The following MBNL1 variants were observed in gnomAD, a reference collection of about 807,000 sequenced individuals.
MBNL1 encodes muscleblind-like protein 1.
MBNL1 carries 8 observed loss-of-function variants against 42.2 expected under a neutral mutation model. The observed-to-expected ratio is 0.19, with a 90% CI of 0.11 to 0.34. MBNL1 has a LOEUF of 0.34. MBNL1 is among the 10% of genes least tolerant of loss of function. The probability of loss-of-function intolerance (pLI) is 1.00; values close to 1 mark genes in which losing one functional copy is unlikely to be tolerated. For missense variants in MBNL1, 309 were observed against 495.3 expected (o/e 0.62, Z 3.57); for synonymous variants, 169 against 173.9 (o/e 0.97, Z 0.22).
At chr3:152,306,393 A>T (rs1285927536) in intron 2 of MBNL1, among the ~76,000 whole-genome samples, 1 of 152,156 alleles carries the variant, frequency 6.6e-6, no homozygotes, top group Non-Finnish European at 1.5e-5. Flanking sequence ...CATGGCTTCC[A>T]ACTTTAGGAT....
intron 2 of MBNL1, among the ~76,000 whole-genome samples, chr3:152,254,968 G>A (rs1434884811): frequency 6.6e-6 from 1 of 152,106 alleles, no homozygotes; most frequent in Non-Finnish European, 1.5e-5. Context: ...AACTGGATCT[G>A]CATCATATTT....
chr3:152,435,052 A>AT (rs1560582815), intron 4 of MBNL1, among the ~76,000 whole-genome samples: 1 of 143,778 alleles, frequency 7.0e-6, no homozygotes, highest in Non-Finnish European at 1.5e-5. Flanking sequence ...ATTAGATATC[A>AT]TTTTTCCATT....
intron 2 of MBNL1, among the ~76,000 whole-genome samples, chr3:152,247,322 A>G (rs1192091271): frequency 6.6e-6 from 1 of 152,092 alleles, no homozygotes; most frequent in African/African-American, 2.4e-5. Context: ...AATGATTGCT[A>G]TATTTGCATA....
chr3:152,450,805 A>G (rs1721362131), intron 6 of MBNL1, among the ~76,000 whole-genome samples: 1 of 152,164 alleles, frequency 6.6e-6, no homozygotes, highest in South Asian at 2.1e-4. Flanking sequence ...TTTTTCCCAG[A>G]TACTCTAGAC....
chr3:152,332,737 T>C (rs2433290), intron 2 of MBNL1, among the ~76,000 whole-genome samples: 19,095 of 104,594 alleles, frequency 0.18, 1,593 homozygotes, highest in East Asian at 0.43. Context: ...TGTGTGTGTG[T>C]GTGCGCGCGC....
intron 5 of MBNL1, chr3:152,446,667 C>T (rs76277365): frequency 2.5e-6 from 4 of 1,584,192 alleles, no homozygotes; most frequent in African/African-American, 1.3e-5. Context: ...ACCCCACTGG[C>T]CCATTGCCAT....
intron 2 of MBNL1, among the ~76,000 whole-genome samples, chr3:152,397,112 C>G (rs2097991676): frequency 6.6e-6 from 1 of 152,128 alleles, no homozygotes; most frequent in Non-Finnish European, 1.5e-5. Flanking sequence ...AATGGATTGT[C>G]TAATCTGAAA....
Position 152,462,851 on chromosome 3 carries a change from G to C in MBNL1, c.*485G>C, listed in dbSNP as rs924359233. 1.3e-5 allele frequency: 2 copies of C among 152,416 alleles called. No individual in the cohort carries two copies. Among genetic ancestry groups the C allele is most frequent in the Admixed American group, 1.3e-4 (2 of 15,268 alleles). 9.4% of individuals were successfully genotyped at this position (152,416 alleles called of 1,614,324 possible). Reference sequence around the variant, plus strand: ...CCTTGTATTTAAAATTGCCATTATAGATGAGAGCGTGCATGCACAGTCATT... The same window carrying C: ...CCTTGTATTTAAAATTGCCATTATACATGAGAGCGTGCATGCACAGTCATT... On this transcript the variant is annotated 3_prime_UTR_variant, in exon 10 of 10. Coordinates refer to ENST00000324210, the MANE Select transcript of MBNL1 (RefSeq NM_021038.5).
chr3:152,270,641 T>C (rs2040900588), intron 1 of MBNL1, among the ~76,000 whole-genome samples: 1 of 152,224 alleles, frequency 6.6e-6, no homozygotes, highest in South Asian at 2.1e-4. Flanking sequence ...TAGTTATAGA[T>C]AGAGGCACTG....
chr3:152,253,095 A>G (rs947860666), intron 2 of MBNL1, among the ~76,000 whole-genome samples: 2 of 152,076 alleles, frequency 1.3e-5, no homozygotes, highest in Non-Finnish European at 2.9e-5. Flanking sequence ...TCAACTTTCT[A>G]CCAATTTCTG....
intron 2 of MBNL1, among the ~76,000 whole-genome samples, chr3:152,401,061 A>G (rs540790370): frequency 6.6e-6 from 1 of 152,124 alleles, no homozygotes; most frequent in African/African-American, 2.4e-5. Flanking sequence ...GGATGTAGGA[A>G]TTTTTTATTT....
intron 4 of MBNL1, among the ~76,000 whole-genome samples, chr3:152,443,918 A>G (rs995410868): frequency 6.6e-5 from 10 of 152,174 alleles, no homozygotes; most frequent in African/African-American, 1.9e-4. Flanking sequence ...TTTAAGATGT[A>G]GCATGATACA....
At chr3:152,410,200 A>T (rs1579822911) in intron 2 of MBNL1, among the ~76,000 whole-genome samples, 1 of 152,268 alleles carries the variant, frequency 6.6e-6, no homozygotes, top group East Asian at 1.9e-4. Flanking sequence ...TCATACATTT[A>T]TTTGGAGGAT....
chr3:152,277,409 T>A (rs2045893371), intron 1 of MBNL1, among the ~76,000 whole-genome samples: 2 of 152,196 alleles, frequency 1.3e-5, no homozygotes, highest in South Asian at 4.1e-4. Flanking sequence ...GGCAGATAGA[T>A]ACATGATAAA....
chr3:152,305,242 G>A (rs1026076560), intron 2 of MBNL1, among the ~76,000 whole-genome samples: 7 of 152,154 alleles, frequency 4.6e-5, no homozygotes, highest in Non-Finnish European at 8.8e-5. Context: ...TTGAAGAACT[G>A]TATGACACAT....
At chr3:152,319,720 A>G (rs753766863) in intron 2 of MBNL1, among the ~76,000 whole-genome samples, 1 of 148,766 alleles carries the variant, frequency 6.7e-6, no homozygotes, top group Non-Finnish European at 1.5e-5. Context: ...ATGACATGGA[A>G]GACAATTAAA....
chr3:152,439,548 T>C (rs2099120113), intron 4 of MBNL1, among the ~76,000 whole-genome samples: 1 of 152,228 alleles, frequency 6.6e-6, no homozygotes, highest in Non-Finnish European at 1.5e-5. Context: ...TAGAGGTTTA[T>C]GTAGGTTGTT....
At chr3:152,300,388 T>C (rs1334085772) in intron 2 of MBNL1, 21 bp downstream of exon 2, 3 of 1,593,778 alleles carry the variant, frequency 1.9e-6, no homozygotes, top group African/African-American at 2.7e-5. Flanking sequence ...ATTATATTCT[T>C]TTAAGGATAT....
chr3:152,412,145 T>A (rs575893101), intron 2 of MBNL1, among the ~76,000 whole-genome samples: 1 of 152,238 alleles, frequency 6.6e-6, no homozygotes, highest in Non-Finnish European at 1.5e-5. Flanking sequence ...AGGATGTATA[T>A]TCTAACTTAT....
Sources: gnomAD v4.1 joint callset for allele counts (sites outside exome capture counted in the v4.1 genomes callset) on GRCh38, gnomAD v4.1.1 for gene constraint, MANE v1.5 for transcripts, NCBI Gene and HGNC (gene_info 2026-07-23, HGNC 2026-07-21) for gene names.